FAM170B: variants seen among roughly 807,000 people sequenced by gnomAD.
FAM170B encodes the protein family with sequence similarity 170 member B, also known as protein FAM170B.
A neutral mutation model predicts 3.9 loss-of-function variants in FAM170B; 4 were observed. The ratio of observed to expected loss-of-function variants is 1.01; its 90% CI spans 0.50 to 2.32. FAM170B has a LOEUF of 2.32. Ranked by LOEUF, FAM170B falls within the 30% of genes most tolerant of loss-of-function variation. FAM170B has a pLI of 0.02. For missense variants in FAM170B, 417 were observed against 368.6 expected (o/e 1.13, Z -1.07); for synonymous variants, 163 against 149.8 (o/e 1.09, Z -0.64).
rs990097801 is a variant in FAM170B at position 49,133,817 on chromosome 10, C to A, written c.102G>T (p.Val34=). 1.9e-6 allele frequency: 3 copies of A among 1,551,666 alleles called. No homozygotes were observed. Among genetic ancestry groups the A allele is most frequent in the East Asian group, 4.9e-5 (2 of 40,918 alleles). ...TTTCTTTTCACCTACCTGGCCAGAA[C>A]ACTTCCACACTCTCCTCAGTGGACT... ...SPESTEESVE[V]FWPGTIQREG... is the part of the protein sequence containing the mutation. The change falls in exon 1 of 2, where the codon GTG becomes GTT. Residue 34 remains valine (V), a synonymous_variant. Transcript: ENST00000311787.
Position 49,132,076 on chromosome 10 carries a change from T to C in FAM170B, c.389A>G (p.Glu130Gly), listed in dbSNP as rs1271847932. ...AVAWETEAGF[E>G]PVTRKPRIHE... Reference sequence around the variant, plus strand: ...GATGCGGGGCTTCCTGGTGACCGGCTCGAAGCCGGCCTCCGTCTCCCAGGC... The same window carrying C: ...GATGCGGGGCTTCCTGGTGACCGGCCCGAAGCCGGCCTCCGTCTCCCAGGC... The change falls in exon 2 of 2, where the codon GAG (glutamate) becomes GGG (glycine). Residue 130 changes from glutamate (E) to glycine (G), a missense_variant. Glu to Gly is a moderately conservative substitution (Grantham distance 98). Coordinates refer to ENST00000311787, the MANE Select transcript of FAM170B (RefSeq NM_001164484.2). The C allele has an allele frequency of 6.4e-7, 1 of 1,551,620 alleles. No individual in the cohort carries two copies. The highest frequency in any genetic ancestry group is 8.7e-7 in the Non-Finnish European group (1 of 1,146,986).
In FAM170B at chr10:49,131,591, G is replaced by A; in HGVS notation, c.*22C>T. The A allele has an allele frequency of 6.5e-7, 1 of 1,539,798 alleles. No individual in the cohort carries two copies. The highest frequency in any genetic ancestry group is 8.8e-7 in the Non-Finnish European group (1 of 1,140,000). On this transcript the variant is annotated 3_prime_UTR_variant, in exon 2 of 2. Transcript: ENST00000311787. ...TCCCAGGCCCTGGAGGTGAGGGCAGGGTTGGGTATCTCCCCTCTGGCTCAC... is the reference window on the plus strand; with the variant it reads ...TCCCAGGCCCTGGAGGTGAGGGCAGAGTTGGGTATCTCCCCTCTGGCTCAC...
In FAM170B at chr10:49,131,900, C is replaced by T. The variant is rs561798621; in HGVS notation, c.565G>A (p.Glu189Lys). 1.3e-6 allele frequency: 2 copies of T among 1,547,704 alleles called. No homozygotes were observed. The highest frequency in any genetic ancestry group is 1.7e-6 in the Non-Finnish European group (2 of 1,146,922). Residue 189 changes from glutamate (E) to lysine (K), a missense_variant, in exon 2 of 2, where the codon GAG becomes AAG. By Grantham distance (56) the Glu-to-Lys change is moderately conservative. Transcript: ENST00000311787. ...AGCCAGTCCGGCGGCTCCCGCAGCT[C>T]CTGCAGGCAGCACTCCAGCAGGTCT... ...DIDLLECCLQ[E>K]LREPPDWLVT...
chr10:49,131,762 TCTGACAG>T lies in FAM170B; in HGVS notation c.696_702del (p.Ser232ArgfsTer128), dbSNP rs746362171. On this transcript the variant is annotated frameshift_variant, in exon 2 of 2. Transcript: ENST00000311787. LOFTEE classifies it low-confidence loss of function (END_TRUNC). Reference sequence around the variant, plus strand: ...CTCTCCAGCATCTCCTCAAAAAAGATCTGACAGCTGAAGCCCTCCCGGATGCCATGCT... The same window carrying T: ...CTCTCCAGCATCTCCTCAAAAAAGATCTGAAGCCCTCCCGGATGCCATGCT... 1.9e-6 allele frequency: 3 copies of T among 1,551,492 alleles called. No homozygotes were observed. The highest frequency in any genetic ancestry group is 2.4e-5 in the South Asian group (2 of 84,062).
Position 49,131,573 on chromosome 10 carries a change from C to A in FAM170B, c.*40G>T. 2.0e-6 allele frequency: 3 copies of A among 1,518,526 alleles called. No individual in the cohort carries two copies. Among genetic ancestry groups the A allele is most frequent in the South Asian group, 1.3e-5 (1 of 77,258 alleles). The allele number at this position is 1,518,526 out of a possible 1,614,324, so 94.1% of individuals were successfully genotyped here. ...TGGCTGGGGAAGGAGCAGTCCCAGG[C>A]CCTGGAGGTGAGGGCAGGGTTGGGT... On this transcript the variant is annotated 3_prime_UTR_variant, in exon 2 of 2. Coordinates refer to ENST00000311787, the MANE Select transcript of FAM170B (RefSeq NM_001164484.2).
intron 1 of FAM170B, among the ~76,000 whole-genome samples, chr10:49,132,757 C>A (rs1021829095): frequency 6.6e-6 from 1 of 151,222 alleles, no homozygotes; most frequent in African/African-American, 2.4e-5. Flanking sequence ...ACCACTGAGA[C>A]GTGCAACAAT....
rs1420977378 is a variant in FAM170B at position 49,131,886 on chromosome 10, C to T, written c.579G>A (p.Pro193=). Residue 193 remains proline, a synonymous_variant, in exon 2 of 2, where the codon CCG becomes CCA. Coordinates refer to ENST00000311787, the MANE Select transcript of FAM170B (RefSeq NM_001164484.2). Reference sequence around the variant, plus strand: ...AGTTGGTGGTGACCAGCCAGTCCGGCGGCTCCCGCAGCTCCTGCAGGCAGC... The same window carrying T: ...AGTTGGTGGTGACCAGCCAGTCCGGTGGCTCCCGCAGCTCCTGCAGGCAGC... ...LECCLQELRE[P]PDWLVTTNYG... 4.5e-6 allele frequency: 7 copies of T among 1,546,520 alleles called. No homozygotes were observed. Among genetic ancestry groups the T allele is most frequent in the Admixed American group, 2.0e-5 (1 of 50,984 alleles).
chr10:49,133,171 C>A (rs1845209211), intron 1 of FAM170B, among the ~76,000 whole-genome samples: 1 of 152,234 alleles, frequency 6.6e-6, no homozygotes, highest in Non-Finnish European at 1.5e-5. Context: ...GGCCAAGCCA[C>A]CCAGACCCAC....
rs1370741996 is a variant in FAM170B at position 49,131,597 on chromosome 10, G to C, written c.*16C>G. ...GCCCTGGAGGTGAGGGCAGGGTTGG[G>C]TATCTCCCCTCTGGCTCACTGCTTC... On this transcript the variant is annotated 3_prime_UTR_variant, in exon 2 of 2. Transcript: ENST00000311787. 5.2e-6 allele frequency: 8 copies of C among 1,543,358 alleles called. No homozygotes were observed. Among genetic ancestry groups the C allele is most frequent in the Non-Finnish European group, 7.0e-6 (8 of 1,142,074 alleles).
Position 49,133,893 on chromosome 10 carries a change from C to T in FAM170B, c.26G>A (p.Arg9Lys), listed in dbSNP as rs1454459893. Residue 9 changes from arginine (R) to lysine (K), a missense_variant, in exon 1 of 2, where the codon AGG becomes AAG. By Grantham distance (26) the Arg-to-Lys change is conservative. Coordinates refer to ENST00000311787, the MANE Select transcript of FAM170B (RefSeq NM_001164484.2). Reference protein sequence around the residue: MKCYFTDHRGEQSPTDGTT... With the variant: MKCYFTDHKGEQSPTDGTT... ...CCCATCGGTGGGTGACTGTTCTCCCCTGTGATCTGTGAAGTAGCATTTCAT... is the reference window on the plus strand; with the variant it reads ...CCCATCGGTGGGTGACTGTTCTCCCTTGTGATCTGTGAAGTAGCATTTCAT... 3 of 1,551,564 alleles carry T rather than the reference C, an allele frequency of 1.9e-6. No homozygotes were observed. The highest frequency in any genetic ancestry group is 1.7e-6 in the Non-Finnish European group (2 of 1,146,980).
In FAM170B at chr10:49,131,851, C is replaced by A. The variant is rs373146727; in HGVS notation, c.614G>T (p.Arg205Leu). 1.9e-6 allele frequency: 3 copies of A among 1,546,144 alleles called. No homozygotes were observed. The African/African-American group carries it at 4.1e-5, about 21-fold the overall frequency. ...DWLVTTNYGV[R>L]CVACCRVLPS... ...CAAGACCCTGCAGCAGGCCACGCAG[C>A]GCACCCCGTAGTTGGTGGTGACCAG... Residue 205 changes from arginine (R) to leucine (L), a missense_variant, in exon 2 of 2, where the codon CGC becomes CTC. Arg to Leu is a moderately radical substitution (Grantham distance 102). Transcript: ENST00000311787.
rs1208006725 is a variant in FAM170B at position 49,132,169 on chromosome 10, T to C, written c.296A>G (p.Asp99Gly). The C allele has an allele frequency of 1.9e-6, 3 of 1,551,790 alleles. No homozygotes were observed. The highest frequency in any genetic ancestry group is 2.6e-6 in the Non-Finnish European group (3 of 1,147,008). Residue 99 changes from aspartate (D) to glycine (G), a missense_variant, in exon 2 of 2, where the codon GAC (aspartate) becomes GGC (glycine). Transcript: ENST00000311787. ...ACACACACTCTGCGGAGCAGCATTGTCCTCATCGCACATGCAGGAGCAGCA... is the reference window on the plus strand; with the variant it reads ...ACACACACTCTGCGGAGCAGCATTGCCCTCATCGCACATGCAGGAGCAGCA... Reference protein sequence around the residue: ...QSCCSCMCDEDNAAPQSVCAF... With the variant: ...QSCCSCMCDEGNAAPQSVCAF...
At position 49,131,244 on chromosome 10, in the gene FAM170B, G is replaced by A. The variant is rs1590155959; in HGVS notation, c.*369C>T. Reference sequence around the variant, plus strand: ...TAATAGTGAAAAAAATAGGGCTGGAGAGTAATTTGCAGTTGGCTGTCCTGT... The same window carrying A: ...TAATAGTGAAAAAAATAGGGCTGGAAAGTAATTTGCAGTTGGCTGTCCTGT... On this transcript the variant is annotated 3_prime_UTR_variant, in exon 2 of 2. Transcript: ENST00000311787. 4.7e-6 allele frequency: 1 copy of A among 214,052 alleles called. No homozygotes were observed. The highest frequency in any genetic ancestry group is 1.1e-4 in the East Asian group (1 of 9,450). The allele number at this position is 214,052 out of a possible 1,614,324, so 13.3% of individuals were successfully genotyped here.
Position 49,132,045 on chromosome 10 carries a change from T to A in FAM170B, c.420A>T (p.Glu140Asp), listed in dbSNP as rs537012792. 1.9e-6 allele frequency: 3 copies of A among 1,551,746 alleles called. No homozygotes were observed. The Middle Eastern group carries it at 5.0e-4, about 259-fold the overall frequency. Residue 140 changes from glutamate to aspartate, a missense_variant, in exon 2 of 2, where the codon GAA (glutamate) becomes GAT (aspartate). Physicochemically the swap from Glu to Asp is conservative, Grantham distance 45 (BLOSUM62 2). Transcript: ENST00000311787. ...ACCTCTGCCTCTTGATGAACTGGGCTTCATGGATGCGGGGCTTCCTGGTGA... is the reference window on the plus strand; with the variant it reads ...ACCTCTGCCTCTTGATGAACTGGGCATCATGGATGCGGGGCTTCCTGGTGA... ...EPVTRKPRIHEAQFIKRQRWN... is the reference protein window; with the variant it reads ...EPVTRKPRIHDAQFIKRQRWN...
chr10:49,133,863 G>T lies in FAM170B; in HGVS notation c.56C>A (p.Thr19Asn), dbSNP rs1360981764. ...RGEQSPTDGT[T>N]LSLTSPESTE... ...GGACTCAGGGCTGGTCAAGCTGAGG[G>T]TGGTCCCATCGGTGGGTGACTGTTC... The change falls in exon 1 of 2, where the codon ACC (threonine) becomes AAC (asparagine). Residue 19 changes from threonine (T) to asparagine (N), a missense_variant. By Grantham distance (65) the Thr-to-Asn change is moderately conservative. Transcript: ENST00000311787. 3.2e-6 allele frequency: 5 copies of T among 1,551,708 alleles called. No homozygotes were observed. Among genetic ancestry groups the T allele is most frequent in the Non-Finnish European group, 4.4e-6 (5 of 1,147,004 alleles).
intron 1 of FAM170B, among the ~76,000 whole-genome samples, chr10:49,132,890 A>G (rs1845206654): frequency 6.6e-6 from 1 of 151,856 alleles, no homozygotes; most frequent in African/African-American, 2.4e-5. Flanking sequence ...TATTCAGATG[A>G]CATTCTAGAA....
intron 1 of FAM170B, among the ~76,000 whole-genome samples, chr10:49,132,859 A>G (rs1219376026): frequency 1.3e-5 from 2 of 149,206 alleles, no homozygotes; most frequent in East Asian, 3.9e-4. Context: ...AAAAAAAAAG[A>G]GTCCATGTCG....
chr10:49,133,790 C>A lies in FAM170B; in HGVS notation c.112+17G>T, dbSNP rs1257417861. 5.8e-6 allele frequency: 9 copies of A among 1,548,884 alleles called. No individual in the cohort carries two copies. Among genetic ancestry groups the A allele is most frequent in the Non-Finnish European group, 7.9e-6 (9 of 1,144,768 alleles). On this transcript the variant is annotated intron_variant, in intron 1 of 1. Transcript: ENST00000311787. ...GAGCACAGCTGGCTGACCTTCCAGGCCTTTCTTTTCACCTACCTGGCCAGA... is the reference window on the plus strand; with the variant it reads ...GAGCACAGCTGGCTGACCTTCCAGGACTTTCTTTTCACCTACCTGGCCAGA...
chr10:49,132,421 C>G, intron 1 of FAM170B, 69 bp from the exon 2 acceptor site: 1 of 1,441,942 alleles, frequency 6.9e-7, no homozygotes, highest in East Asian at 2.5e-5. Context: ...CTTCAGGAGC[C>G]GCAGACTCTG....
Sources: gnomAD v4.1 joint callset for allele counts (sites outside exome capture counted in the v4.1 genomes callset) on GRCh38, gnomAD v4.1.1 for gene constraint, MANE v1.5 for transcripts, NCBI Gene and HGNC (gene_info 2026-07-23, HGNC 2026-07-21) for gene names.